LMF1: variants seen among roughly 807,000 people sequenced by gnomAD.
The protein encoded by LMF1 is lipase maturation factor 1.
A neutral mutation model predicts 60.6 loss-of-function variants in LMF1; 68 were observed. The observed-to-expected ratio is 1.12, with a 90% CI of 0.92 to 1.37. The LOEUF is 1.37. Among genes scored for constraint, LMF1 ranks in the 40% most tolerant of loss-of-function variants. The probability of loss-of-function intolerance (pLI) is 0.00; values close to 1 mark genes in which losing one functional copy is unlikely to be tolerated. For synonymous variants in LMF1, 418 were observed against 324.7 expected (o/e 1.29, Z -3.09); for missense variants, 948 against 767.2 (o/e 1.24, Z -2.78).
At position 918,058 on chromosome 16, in the gene LMF1, C is replaced by G. The variant is rs540421390; in HGVS notation, c.515-6979G>C. ...GCGCGGGGCGGCTGGCTGGGTTAAA[C>G]CAGAGATCAGATGGCAAATGGGAGG... On this transcript the variant is annotated intron_variant, in intron 3 of 10. Coordinates refer to ENST00000262301, the MANE Select transcript of LMF1 (RefSeq NM_022773.4). Among the ~76,000 whole-genome samples, 355 of 152,336 alleles carry G rather than the reference C, an allele frequency of 2.3e-3. 1 individual carries two copies. The highest frequency in any genetic ancestry group is 8.2e-3 in the African/African-American group (342 of 41,572).
chr16:869,394 G>A (rs2069709308), intron 9 of LMF1: 3 of 583,548 alleles, frequency 5.1e-6, no homozygotes, highest in Non-Finnish European at 3.2e-6. Context: ...CAGCAGCTCT[G>A]TCCATGGGTG....
At chr16:909,494 T>C (rs2071051997) in intron 4 of LMF1, among the ~76,000 whole-genome samples, 1 of 151,798 alleles carries the variant, frequency 6.6e-6, no homozygotes, top group South Asian at 2.1e-4. Context: ...CTATGCGCTA[T>C]ACTGAGCCAC....
At chr16:860,808 G>A (rs1207740588) in intron 10 of LMF1, among the ~76,000 whole-genome samples, 3 of 152,150 alleles carry the variant, frequency 2.0e-5, no homozygotes, top group Non-Finnish European at 4.4e-5. Context: ...CTCTTTGTGG[G>A]TTCTCTGTTG....
At chr16:863,144 T>G (rs544469800) in intron 10 of LMF1, among the ~76,000 whole-genome samples, 1 of 152,338 alleles carries the variant, frequency 6.6e-6, no homozygotes, top group East Asian at 1.9e-4. Context: ...ATTATCCTTT[T>G]CAGATTGCAG....
chr16:881,006 C>T (rs1226196509), intron 5 of LMF1, among the ~76,000 whole-genome samples: 2 of 152,318 alleles, frequency 1.3e-5, no homozygotes, highest in East Asian at 3.9e-4. Flanking sequence ...AATGAACACG[C>T]CCTGCAGGGA....
intron 1 of LMF1, among the ~76,000 whole-genome samples, chr16:955,594 C>T (rs1437581959): frequency 6.6e-6 from 1 of 152,256 alleles, no homozygotes; most frequent in African/African-American, 2.4e-5. Context: ...AAAATGGGTG[C>T]CTGCAGCAGA....
At chr16:855,400 C>A (rs2069158375) in intron 10 of LMF1, 1 of 342,186 alleles carries the variant, frequency 2.9e-6, no homozygotes, top group Non-Finnish European at 5.8e-6. Flanking sequence ...CCCGCCTGAC[C>A]CCTGGTGACC....
At chr16:894,345 A>G (rs1270694171) in intron 4 of LMF1, among the ~76,000 whole-genome samples, 4 of 119,768 alleles carry the variant, frequency 3.3e-5, no homozygotes, top group African/African-American at 9.6e-5. Flanking sequence ...TGTCCACCGG[A>G]CCGTCCGCCC....
intron 10 of LMF1, among the ~76,000 whole-genome samples, chr16:863,695 G>A (rs1425970398): frequency 2.0e-5 from 3 of 152,168 alleles, no homozygotes; most frequent in Non-Finnish European, 4.4e-5. Flanking sequence ...TTCCTGTGCT[G>A]CCTGATGCCA....
rs74001087 is a variant in LMF1, at chr16:871,144, C to A, written c.1078+17G>T. ...TTCTCCTGCCCTTGGGCAGGGGCCC[C>A]CAGCTGAGCCACCTACCGAATCTGG... On this transcript the variant is annotated intron_variant, in intron 7 of 10. Transcript: ENST00000262301. The A allele has an allele frequency of 9.0e-3, 13,967 of 1,558,326 alleles. 632 individuals are homozygous for A. In the African/African-American group the frequency reaches 0.12, roughly 13 times the overall value.
At position 854,574 on chromosome 16, in the gene LMF1, G is replaced by T; in HGVS notation, c.1662C>A (p.Pro554=). The change falls in exon 11 of 11, where the codon CCC becomes CCA. Residue 554 remains proline (P), a synonymous_variant. Coordinates refer to ENST00000262301, the MANE Select transcript of LMF1 (RefSeq NM_022773.4). ...GAGGCCACCCACGGTCCCTGAAGTA[G>T]GGCCTCAGCTCCTCCAGGCTGAGCG... ...FPPLSLEELR[P]YFRDRGWPLP... 6.2e-7 allele frequency: 1 copy of T among 1,608,302 alleles called. No homozygotes were observed. Among genetic ancestry groups the T allele is most frequent in the Non-Finnish European group, 8.5e-7 (1 of 1,178,898 alleles).
intron 9 of LMF1, chr16:869,662 A>G (rs1330214396): frequency 6.1e-6 from 4 of 655,382 alleles, no homozygotes; most frequent in Non-Finnish European, 1.1e-5. Context: ...ACTACCTGGC[A>G]GACCCGGGGG....
intron 2 of LMF1, among the ~76,000 whole-genome samples, chr16:945,210 T>G (rs1342948700): frequency 2.2e-5 from 1 of 45,320 alleles, no homozygotes; most frequent in Non-Finnish European, 3.4e-5. Flanking sequence ...AGACTCCATC[T>G]CAAAAAAAAA....
chr16:956,624 A>G (rs1200127309), intron 1 of LMF1, among the ~76,000 whole-genome samples: 2 of 152,006 alleles, frequency 1.3e-5, no homozygotes, highest in Admixed American at 1.3e-4. Context: ...CAGGCGGATC[A>G]CCTGAGATCA....
At position 878,274 on chromosome 16, in the gene LMF1, C is replaced by A. The variant is rs1006386101; in HGVS notation, c.897+1296G>T. Among the ~76,000 whole-genome samples the A allele has an allele frequency of 1.3e-5, 2 of 152,072 alleles. No individual in the cohort carries two copies. Among genetic ancestry groups the A allele is most frequent in the Admixed American group, 1.3e-4 (2 of 15,274 alleles). ...CCGTTCTTCCCACTTAGATTCACGG[C>A]GACATCGATGCCCACAGGGAAATCA... On this transcript the variant is annotated intron_variant, in intron 6 of 10. Transcript: ENST00000262301. This position sits in a 1 kb window ranked among gnomAD's most constrained non-coding sequence, Gnocchi z 5.2.
At chr16:937,035 G>A (rs76410609) in intron 2 of LMF1, among the ~76,000 whole-genome samples, 1,004 of 152,298 alleles carry the variant, frequency 6.6e-3, no homozygotes, top group East Asian at 0.029. Context: ...CAGTGACTCA[G>A]GGCCACCAAA....
At chr16:931,690 A>G (rs966349946) in intron 3 of LMF1, 32 of 1,287,108 alleles carry the variant, frequency 2.5e-5, no homozygotes, top group Non-Finnish European at 3.2e-5. Flanking sequence ...AAGGGAAGAC[A>G]GTTCAAAGAC....
intron 6 of LMF1, among the ~76,000 whole-genome samples, chr16:876,524 C>T (rs77312729): frequency 0.018 from 2,710 of 152,254 alleles, 71 homozygotes; most frequent in East Asian, 0.047. Context: ...CGATGCAAGA[C>T]GCTGAGCGCA....
chr16:886,356 G>A (rs1237500321), intron 5 of LMF1, among the ~76,000 whole-genome samples: 23 of 152,144 alleles, frequency 1.5e-4, no homozygotes, highest in Non-Finnish European at 2.6e-4. Context: ...CTGGCAAGAG[G>A]ACCCCAGGAC....
Sources: allele counts gnomAD v4.1 joint callset (sites outside exome capture counted in the v4.1 genomes callset), GRCh38; gene constraint gnomAD v4.1.1; non-coding constraint Gnocchi (gnomAD v3.1); transcripts MANE v1.5; gene names NCBI Gene and HGNC (gene_info 2026-07-23, HGNC 2026-07-21).